The following SETDB1 variants were observed in gnomAD, a reference collection of about 807,000 sequenced individuals.
The protein encoded by SETDB1 is SET domain bifurcated histone lysine methyltransferase 1.
SETDB1 carries 31 observed loss-of-function variants against 137.4 expected under a neutral mutation model. The observed-to-expected ratio is 0.23, with a 90% CI of 0.17 to 0.30. The LOEUF (loss-of-function observed/expected upper bound fraction) is 0.30. Ranked by LOEUF, SETDB1 falls within the 10% of genes least tolerant of loss-of-function variation. The pLI is 1.00. For synonymous variants in SETDB1, 548 were observed against 579.9 expected, an observed-to-expected ratio of 0.95 and a Z score of 0.79; for missense variants, 1,113 against 1,631.5, an observed-to-expected ratio of 0.68 and a Z score of 5.47.
At chr1:150,963,488 T>C in intron 19 of SETDB1, 42 bp from the exon 20 acceptor site, 1 of 1,468,536 alleles carries the variant, frequency 6.8e-7, no homozygotes, top group East Asian at 2.3e-5. Flanking sequence ...TGTCTGTTCA[T>C]GAGTTGGGAT....
intron 3 of SETDB1, among the ~76,000 whole-genome samples, chr1:150,935,334 T>TA (rs1669912758): frequency 6.6e-6 from 1 of 152,202 alleles, no homozygotes; most frequent in Admixed American, 6.6e-5. Flanking sequence ...AGTTCTTTCT[T>TA]AATCCTACTT....
At chr1:150,930,201 G>A (rs1433360827) in intron 3 of SETDB1, 83 bp downstream of exon 3, 1 of 1,236,692 alleles carries the variant, frequency 8.1e-7, no homozygotes, top group Non-Finnish European at 1.1e-6. Context: ...TAATAGAAGA[G>A]AGGAGAAACC....
At chr1:150,929,163 C>T (rs1394601676) in intron 2 of SETDB1, among the ~76,000 whole-genome samples, 4 of 152,046 alleles carry the variant, frequency 2.6e-5, no homozygotes, top group African/African-American at 4.8e-5. Context: ...CTTGAGGAAT[C>T]GCCACACTGT....
chr1:150,942,139 C>CA (rs940063526), intron 5 of SETDB1, among the ~76,000 whole-genome samples: 1,472 of 85,932 alleles, frequency 0.017, 10 homozygotes, highest in Admixed American at 0.037. Context: ...GACTCCATCT[C>CA]AAAAAAAAAA....
At chr1:150,948,449 TTAG>T (rs1670394999) in intron 10 of SETDB1, among the ~76,000 whole-genome samples, 1 of 152,010 alleles carries the variant, frequency 6.6e-6, no homozygotes, top group Non-Finnish European at 1.5e-5. Context: ...TTTTGTATTG[TTAG>T]TAGAGACGGG....
At chr1:150,949,642 G>T in intron 12 of SETDB1, 117 bp downstream of exon 12, 1 of 856,680 alleles carries the variant, frequency 1.2e-6, no homozygotes, top group Non-Finnish European at 1.8e-6. Context: ...TGAGGAGTTT[G>T]GACTTGAAAA....
chr1:150,945,102 C>T lies in SETDB1; in HGVS notation c.1134C>T (p.Leu378=). The T allele has an allele frequency of 6.2e-7, 1 of 1,613,988 alleles. No individual in the cohort carries two copies. The highest frequency in any genetic ancestry group is 1.1e-5 in the South Asian group (1 of 91,070). The change falls in exon 9 of 22, where the codon CTC becomes CTT. Residue 378 remains leucine (L), a synonymous_variant. Coordinates refer to ENST00000692827, the MANE Select transcript of SETDB1 (RefSeq NM_001366418.1). ...TGGATGGCAGCCTAGTCAGGATCCT[C>T]TTCCTGGTACTGTTCTTCTCTACAA... ...EEVDGSLVRI[L]FLDDKRCEWI...
rs752160451 is a variant in SETDB1, at chr1:150,963,987, A to T, written c.3673-8A>T. The T allele has an allele frequency of 6.2e-7, 1 of 1,613,136 alleles. No individual in the cohort carries two copies. The highest frequency in any genetic ancestry group is 8.5e-7 in the Non-Finnish European group (1 of 1,179,180). Reference sequence around the variant, plus strand: ...GGTTCTTATTTGATCCTGTCCTTAAACCTACAGCACAGTTGCAGCCCCAAC... The same window carrying T: ...GGTTCTTATTTGATCCTGTCCTTAATCCTACAGCACAGTTGCAGCCCCAAC... On this transcript the variant is annotated splice_region_variant and splice_polypyrimidine_tract_variant and intron_variant, in intron 20 of 21. Coordinates refer to ENST00000692827, the MANE Select transcript of SETDB1 (RefSeq NM_001366418.1).
chr1:150,934,343 G>C (rs1351514541), intron 3 of SETDB1, among the ~76,000 whole-genome samples: 1 of 151,984 alleles, frequency 6.6e-6, no homozygotes, highest in Non-Finnish European at 1.5e-5. Flanking sequence ...CGTAGTGGCG[G>C]GCACCTGTAG....
intron 12 of SETDB1, among the ~76,000 whole-genome samples, 196 bp from the exon 13 acceptor site, chr1:150,950,262 T>C (rs1670458254): frequency 6.6e-6 from 1 of 151,958 alleles, no homozygotes; most frequent in Non-Finnish European, 1.5e-5. Context: ...AGAGATGTTA[T>C]CAGTCAGTGA....
At chr1:150,960,475 T>TG (rs1376969520) in intron 15 of SETDB1, 88 bp from the exon 16 acceptor site, 48 of 988,258 alleles carry the variant, frequency 4.9e-5, no homozygotes, top group African/African-American at 2.2e-4. Context: ...AGACTCCATC[T>TG]GGAAAAAAAA....
intron 17 of SETDB1, 23 bp downstream of exon 17, chr1:150,962,181 T>G (rs769876270): frequency 2.5e-6 from 4 of 1,611,664 alleles, no homozygotes; most frequent in Non-Finnish European, 1.7e-6. Flanking sequence ...TGTTTTGTTT[T>G]GTTTTGAGAC....
chr1:150,946,797 G>T, intron 9 of SETDB1, 89 bp from the exon 10 acceptor site: 1 of 1,477,908 alleles, frequency 6.8e-7, no homozygotes, highest in East Asian at 2.3e-5. Flanking sequence ...ATTCCCAGAG[G>T]TGACACATGG....
chr1:150,929,721 T>G (rs995540483), intron 2 of SETDB1, among the ~76,000 whole-genome samples: 1 of 151,974 alleles, frequency 6.6e-6, no homozygotes, highest in Non-Finnish European at 1.5e-5. Context: ...AATAATGAGG[T>G]AAGGGTGAAA....
intron 3 of SETDB1, among the ~76,000 whole-genome samples, chr1:150,931,014 C>G (rs1213387389): frequency 1.3e-5 from 2 of 151,938 alleles, no homozygotes; most frequent in Non-Finnish European, 2.9e-5. Flanking sequence ...AATCCCAGCA[C>G]TTTGGGAGGT....
chr1:150,951,367 C>T lies in SETDB1; in HGVS notation c.2219C>T (p.Ser740Phe). 1 of 1,604,106 alleles carries T rather than the reference C, an allele frequency of 6.2e-7. No homozygotes were observed. The highest frequency in any genetic ancestry group is 8.5e-7 in the Non-Finnish European group (1 of 1,170,978). ...CDCKDGCRDK[S>F]KCACHQLTIQ... ...CTTTATTTCCCTCTGTCATATAGGT[C>T]CAAGTGTGCCTGCCATCAACTAACT... The change falls in exon 14 of 22, where the codon TCC becomes TTC. Residue 740 changes from serine to phenylalanine, a missense_variant and splice_region_variant. Around this residue, in one of 11 missense-constraint regions of SETDB1, gnomAD observed 81 missense variants for 123.4 expected, o/e 0.66. Coordinates refer to ENST00000692827, the MANE Select transcript of SETDB1 (RefSeq NM_001366418.1).
At chr1:150,927,316 G>A (rs1352188045) in intron 1 of SETDB1, among the ~76,000 whole-genome samples, 2 of 152,066 alleles carry the variant, frequency 1.3e-5, no homozygotes, top group East Asian at 1.9e-4. Context: ...TTGTAAAGAC[G>A]AGTCTTGCCA....
intron 15 of SETDB1, among the ~76,000 whole-genome samples, chr1:150,959,686 T>C (rs1670760704): frequency 6.6e-6 from 1 of 152,068 alleles, no homozygotes; most frequent in South Asian, 2.1e-4. Context: ...TTCAATAAAG[T>C]AGAAGAAATG....
At chr1:150,959,078 C>A in intron 14 of SETDB1, 100 bp from the exon 15 acceptor site, 1 of 815,274 alleles carries the variant, frequency 1.2e-6, no homozygotes, top group Non-Finnish European at 1.8e-6. Context: ...ATCCACAACA[C>A]ATTATAAATG....
Sources: gnomAD v4.1 joint callset for allele counts (sites outside exome capture counted in the v4.1 genomes callset) on GRCh38, gnomAD v4.1.1 for gene constraint, gnomAD v4.1.1 regional missense constraint, MANE v1.5 for transcripts, NCBI Gene and HGNC (gene_info 2026-07-23, HGNC 2026-07-21) for gene names.